CCNI: variants seen among roughly 807,000 people sequenced by gnomAD.
The protein encoded by CCNI is cyclin I.
Under a neutral mutation model 34.1 loss-of-function variants are expected in CCNI, and 14 were observed. The observed-to-expected ratio is 0.41, with a 90% CI of 0.27 to 0.64. The LOEUF (loss-of-function observed/expected upper bound fraction) is 0.64, where lower values mean the gene tolerates loss of function less well. Among genes scored for constraint, CCNI ranks in the 30% least tolerant of loss-of-function variants. CCNI has a pLI of 0.31. For synonymous variants in CCNI, 154 were observed against 158.4 expected (o/e 0.97, Z 0.21); for missense variants, 385 against 440.5 (o/e 0.87, Z 1.13).
intron 1 of CCNI, among the ~76,000 whole-genome samples, chr4:77,072,946 T>C (rs1729600129): frequency 6.6e-6 from 1 of 152,226 alleles, no homozygotes; most frequent in Non-Finnish European, 1.5e-5. Flanking sequence ...ACAGAAAGCA[T>C]GGGCTTGGCT....
chr4:77,052,708 A>G (rs1367836477), intron 6 of CCNI, among the ~76,000 whole-genome samples: 1 of 152,192 alleles, frequency 6.6e-6, no homozygotes, highest in Non-Finnish European at 1.5e-5. Flanking sequence ...AGACTTTCCT[A>G]TATTAAAACC....
chr4:77,051,438 G>GA (rs1288003375), intron 6 of CCNI, among the ~76,000 whole-genome samples: 4 of 152,106 alleles, frequency 2.6e-5, no homozygotes, highest in Admixed American at 6.5e-5. Context: ...CTTTCTGTGT[G>GA]AAAAAACGAA....
Position 77,048,126 on chromosome 4 carries a change from T to C in CCNI, c.*93A>G. 1 of 869,926 alleles carries C rather than the reference T, an allele frequency of 1.1e-6. No homozygotes were observed. The highest frequency in any genetic ancestry group is 1.8e-6 in the Non-Finnish European group (1 of 556,568). 53.9% of individuals were successfully genotyped at this position (869,926 alleles called of 1,614,324 possible). A position where few individuals can be genotyped will look rare whatever the true frequency, so the allele number is the denominator to read the frequency against. On this transcript the variant is annotated 3_prime_UTR_variant, in exon 7 of 7. Coordinates refer to ENST00000237654, the MANE Select transcript of CCNI (RefSeq NM_006835.3). ...CTCACTCCAAATCAGCCTGTTAAGG[T>C]ATATTTCCTTCTACAGCCTTTCCTG... is the stretch of plus-strand genomic sequence containing the variant.
At position 77,053,435 on chromosome 4, in the gene CCNI, T is replaced by C. The variant is rs115389538; in HGVS notation, c.690+1715A>G. Among the ~76,000 whole-genome samples, 489 of 151,050 alleles carry C rather than the reference T, an allele frequency of 3.2e-3. 3 individuals carry two copies. The highest frequency in any genetic ancestry group is 0.012 in the African/African-American group (467 of 40,358). ...CAAATCCCAGGTTTGCAATACTCCT[T>C]CAGCTAAGAAGAAAAAAAAGTTTCA... is the stretch of plus-strand genomic sequence containing the variant. On this transcript the variant is annotated intron_variant, in intron 6 of 6. Transcript: ENST00000237654.
intron 1 of CCNI, among the ~76,000 whole-genome samples, chr4:77,073,775 A>G (rs985994788): frequency 6.6e-6 from 1 of 152,204 alleles, no homozygotes; most frequent in Non-Finnish European, 1.5e-5. Context: ...TTCTACCTTT[A>G]CATTTAGTTG....
chr4:77,058,482 T>C (rs778612003), intron 3 of CCNI, 25 bp downstream of exon 3: 116 of 1,591,416 alleles, frequency 7.3e-5, no homozygotes, highest in Non-Finnish European at 9.7e-5. Flanking sequence ...TGAGGTTATA[T>C]GTAAGTCTAT....
At chr4:77,070,618 G>A (rs1384930651) in intron 1 of CCNI, among the ~76,000 whole-genome samples, 1 of 151,796 alleles carries the variant, frequency 6.6e-6, no homozygotes, top group Non-Finnish European at 1.5e-5. Flanking sequence ...TTGCCTTGGT[G>A]CCTTTCTCAG....
chr4:77,074,278 T>A (rs946759205), intron 1 of CCNI, among the ~76,000 whole-genome samples: 1 of 152,150 alleles, frequency 6.6e-6, no homozygotes, highest in Non-Finnish European at 1.5e-5. Context: ...CTGCCCTTCA[T>A]CGGTATCAAG....
intron 1 of CCNI, among the ~76,000 whole-genome samples, chr4:77,072,646 A>AAAAAAAAG (rs1729570247): frequency 1.3e-5 from 2 of 149,134 alleles, no homozygotes; most frequent in African/African-American, 5.0e-5. Flanking sequence ...CTTAAAAAAA[A>AAAAAAAAG]AAAAAAAAAA....
At chr4:77,071,964 T>C (rs1481535536) in intron 1 of CCNI, among the ~76,000 whole-genome samples, 1 of 152,156 alleles carries the variant, frequency 6.6e-6, no homozygotes, top group African/African-American at 2.4e-5. Flanking sequence ...CTACCAACCA[T>C]TTTCAGAAAA....
rs1243881057 is a variant in CCNI, at chr4:77,058,574, A to T, written c.176T>A (p.Phe59Tyr). Residue 59 changes from phenylalanine (F) to tyrosine (Y), a missense_variant, in exon 3 of 7, where the codon TTC (phenylalanine) becomes TAC (tyrosine). Physicochemically the swap from Phe to Tyr is conservative, Grantham distance 22. Around this residue, in one of 2 missense-constraint regions of CCNI, gnomAD observed 135 missense variants for 191.8 expected, o/e 0.70. Transcript: ENST00000237654. ...AGCAAATGTTTCTGGGTAAAGGTTG[A>T]ATTGGTACTTGAGTTTGGCCAGCCA... ...IQWLAKLKYQ[F>Y]NLYPETFALA... 6.2e-7 allele frequency: 1 copy of T among 1,613,300 alleles called. No individual in the cohort carries two copies. Among genetic ancestry groups the T allele is most frequent in the Non-Finnish European group, 8.5e-7 (1 of 1,179,282 alleles).
At chr4:77,053,991 T>C (rs151144530) in intron 6 of CCNI, among the ~76,000 whole-genome samples, 1 of 152,312 alleles carries the variant, frequency 6.6e-6, no homozygotes, top group Admixed American at 6.5e-5. Flanking sequence ...ACTACATAGG[T>C]AGATCTCTAG....
chr4:77,070,038 A>G (rs1429754678), intron 1 of CCNI, among the ~76,000 whole-genome samples: 2 of 141,388 alleles, frequency 1.4e-5, no homozygotes, highest in Non-Finnish European at 3.0e-5. Context: ...TTTTTTTGAG[A>G]CAAGAGTCTC....
intron 1 of CCNI, among the ~76,000 whole-genome samples, chr4:77,068,927 C>CT (rs1729249385): frequency 6.6e-6 from 1 of 152,016 alleles, no homozygotes; most frequent in Admixed American, 6.6e-5. Context: ...ATTTTTGTGT[C>CT]TTTAAACGCC....
Position 77,066,155 on chromosome 4 carries a change from C to T in CCNI, c.114+94G>A. On this transcript the variant is annotated intron_variant, in intron 2 of 6. Transcript: ENST00000237654. ...ATACAGCACATCCTTAAATGGTACA[C>T]ACTCCTCCAATGTAGTGTCAAGATA... 2 of 1,015,226 alleles carry T rather than the reference C, an allele frequency of 2.0e-6. 1 individual carries two copies. Among genetic ancestry groups the T allele is most frequent in the South Asian group, 2.8e-5 (2 of 71,832 alleles). 62.9% of individuals were successfully genotyped at this position (1,015,226 alleles called of 1,614,324 possible).
chr4:77,060,986 C>T (rs887827392), intron 2 of CCNI, among the ~76,000 whole-genome samples: 2 of 151,964 alleles, frequency 1.3e-5, no homozygotes, highest in Non-Finnish European at 2.9e-5. Flanking sequence ...CTTCAACTCC[C>T]AGGCTCAAGT....
chr4:77,068,000 G>A (rs983194077), intron 1 of CCNI, among the ~76,000 whole-genome samples: 13 of 151,620 alleles, frequency 8.6e-5, no homozygotes, highest in African/African-American at 2.9e-4. Flanking sequence ...AACATGGTGA[G>A]ACCCCCGTCT....
intron 6 of CCNI, among the ~76,000 whole-genome samples, chr4:77,049,753 C>T (rs1416841588): frequency 2.0e-5 from 3 of 151,652 alleles, no homozygotes; most frequent in African/African-American, 4.8e-5. Context: ...TCTATTTAAC[C>T]ATTTAGCCTT....
chr4:77,069,443 T>TA lies in CCNI; in HGVS notation c.-43-3039_-43-3038insT, dbSNP rs1560784578. Among the ~76,000 whole-genome samples, 392 of 99,640 alleles carry TA rather than the reference T, an allele frequency of 3.9e-3. 1 individual carries two copies. The highest frequency in any genetic ancestry group is 0.015 in the African/African-American group (371 of 24,856). 65.4% of individuals were successfully genotyped at this position (99,640 alleles called of 152,430 possible). A position where few individuals can be genotyped will look rare whatever the true frequency, so the allele number is the denominator to read the frequency against. ...CAATATCATTTTTATATATATATAT[T>TA]TTTTTTATTATTATACTTTAAGTTC... On this transcript the variant is annotated intron_variant, in intron 1 of 6. Transcript: ENST00000237654.
Sources: gnomAD v4.1 joint callset for allele counts (sites outside exome capture counted in the v4.1 genomes callset) on GRCh38, gnomAD v4.1.1 for gene constraint, gnomAD v4.1.1 regional missense constraint, MANE v1.5 for transcripts, NCBI Gene and HGNC (gene_info 2026-07-23, HGNC 2026-07-21) for gene names.